The following SPX variants were observed in gnomAD, a reference collection of about 807,000 sequenced individuals.
SPX encodes spexin hormone.
In SPX, 22 loss-of-function variants were observed where a neutral mutation model predicts 19.2. That is an observed-to-expected ratio of 1.15 (90% CI 0.82 to 1.64). The LOEUF (loss-of-function observed/expected upper bound fraction) is 1.64, where lower values mean the gene tolerates loss of function less well. SPX is among the 40% of genes most tolerant of loss of function. SPX has a pLI of 0.00. For missense variants in SPX, 143 were observed against 137.7 expected, an observed-to-expected ratio of 1.04 and a Z score of -0.19; for synonymous variants, 50 against 53.3, an observed-to-expected ratio of 0.94 and a Z score of 0.27.
In SPX at chr12:21,526,344, T is replaced by G. The variant is rs1034296620; in HGVS notation, c.-129T>G. 7 of 751,456 alleles carry G rather than the reference T, an allele frequency of 9.3e-6. No individual in the cohort carries two copies. The highest frequency in any genetic ancestry group is 1.5e-5 in the Non-Finnish European group (7 of 468,542). The allele number at this position is 751,456 out of a possible 1,614,324, so 46.5% of individuals were successfully genotyped here. A position where few individuals can be genotyped will look rare whatever the true frequency, so the allele number is the denominator to read the frequency against. ...AGACTGACAAGATGTCCCTGTGGAC[T>G]CCCAAACTCTACTCCAGATGGGGAG... On this transcript the variant is annotated 5_prime_UTR_variant, in exon 1 of 6. Coordinates refer to ENST00000256969, the MANE Select transcript of SPX (RefSeq NM_030572.4).
At chr12:21,527,060 T>A in intron 2 of SPX, 75 bp from the exon 3 acceptor site, 3 of 1,584,056 alleles carry the variant, frequency 1.9e-6, no homozygotes. Context: ...TCTCTTCTTT[T>A]TCCTTTATTT....
rs1337851116 is a variant in SPX, at chr12:21,528,058, G to A, written c.208+269G>A. 7 of 466,756 alleles carry A rather than the reference G, an allele frequency of 1.5e-5. No homozygotes were observed. In the Admixed American group the frequency reaches 2.5e-4, roughly 17 times the overall value. The allele number at this position is 466,756 out of a possible 1,614,324, so 28.9% of individuals were successfully genotyped here. On this transcript the variant is annotated intron_variant, in intron 4 of 5. Coordinates refer to ENST00000256969, the MANE Select transcript of SPX (RefSeq NM_030572.4). ...CCAGGCTGGCGCTGCGGCTCCCCAA[G>A]CCTTATTGGCTTGCGGCTGTTCAGC...
chr12:21,528,034 C>G (rs7302146), intron 4 of SPX: 38,549 of 518,522 alleles, frequency 0.074, 2,238 homozygotes, highest in African/African-American at 0.22. Context: ...AAGGGCGGCC[C>G]AGGCTGGCGC....
At position 21,529,151 on chromosome 12, in the gene SPX, T is replaced by A. The variant is rs927512432; in HGVS notation, c.292+67T>A. 2.7e-6 allele frequency: 4 copies of A among 1,480,614 alleles called. No homozygotes were observed. In the African/African-American group the frequency reaches 5.6e-5, roughly 21 times the overall value. 91.7% of individuals were successfully genotyped at this position (1,480,614 alleles called of 1,614,324 possible). On this transcript the variant is annotated intron_variant, in intron 5 of 5. Coordinates refer to ENST00000256969, the MANE Select transcript of SPX (RefSeq NM_030572.4). ...CTTTGCTTACTTTCGGGATTCTGTGTTGAGTGCAACACCCCTCCCCCAGAA... is the reference window on the plus strand; with the variant it reads ...CTTTGCTTACTTTCGGGATTCTGTGATGAGTGCAACACCCCTCCCCCAGAA...
intron 5 of SPX, among the ~76,000 whole-genome samples, chr12:21,530,544 A>G (rs559598061): frequency 6.6e-6 from 1 of 152,206 alleles, no homozygotes; most frequent in Admixed American, 6.5e-5. Flanking sequence ...TAGTCATTCT[A>G]TCCTATTTTT....
Position 21,527,148 on chromosome 12 carries a change from G to A in SPX, c.101G>A (p.Arg34Lys), listed in dbSNP as rs758501085. The A allele has an allele frequency of 6.2e-7, 1 of 1,613,876 alleles. No individual in the cohort carries two copies. Among genetic ancestry groups the A allele is most frequent in the African/African-American group, 1.3e-5 (1 of 74,898 alleles). ...SSCAPQRLLE[R>K]RNWTPQAMLY... is the part of the protein sequence containing the mutation. ...CCCGGGCTATAGAGACTGTTGGAGA[G>A]AAGGAACTGGACTCCTCAAGCTATG... Residue 34 changes from arginine (R) to lysine (K), a missense_variant, in exon 3 of 6, where the codon AGA (arginine) becomes AAA (lysine). By Grantham distance (26) the Arg-to-Lys change is conservative. Coordinates refer to ENST00000256969, the MANE Select transcript of SPX (RefSeq NM_030572.4).
At position 21,529,026 on chromosome 12, in the gene SPX, A is replaced by G; in HGVS notation, c.234A>G (p.Leu78=). The G allele has an allele frequency of 6.2e-7, 1 of 1,614,162 alleles. No homozygotes were observed. The change falls in exon 5 of 6, where the codon CTA becomes CTG. Residue 78 remains leucine, a synonymous_variant. Coordinates refer to ENST00000256969, the MANE Select transcript of SPX (RefSeq NM_030572.4). ...AAAGACGAAGCCCAAATCCCCAACT[A>G]CTAACTATTCCGGAGGCAGCAACCA... is the stretch of plus-strand genomic sequence containing the variant. ...LPERRSPNPQ[L]LTIPEAATIL... is the part of the protein sequence containing the mutation.
intron 3 of SPX, 153 bp from the exon 4 acceptor site, chr12:21,527,574 C>T: frequency 1.3e-6 from 1 of 741,402 alleles, no homozygotes; most frequent in Non-Finnish European, 2.2e-6. Context: ...GCGCTGGGAG[C>T]GCTGGAAACT....
chr12:21,528,495 T>A (rs1237586007), intron 4 of SPX, among the ~76,000 whole-genome samples: 1 of 152,204 alleles, frequency 6.6e-6, no homozygotes, highest in African/African-American at 2.4e-5. Flanking sequence ...CCAAACACTG[T>A]TGAACACATA....
At chr12:21,528,971 G>A (rs372246806) in intron 4 of SPX, 30 bp from the exon 5 acceptor site, 2 of 1,566,366 alleles carry the variant, frequency 1.3e-6, no homozygotes, top group African/African-American at 2.7e-5. Context: ...TAAATGCTAA[G>A]AGAATCTGTA....
At chr12:21,527,597 G>A (rs922503326) in intron 3 of SPX, 130 bp from the exon 4 acceptor site, 8 of 889,696 alleles carry the variant, frequency 9.0e-6, no homozygotes, top group Admixed American at 2.5e-5. Context: ...GCAGCCCCGC[G>A]CGACCCTATC....
chr12:21,527,468 A>G (rs1349704661), intron 3 of SPX: 1 of 600,420 alleles, frequency 1.7e-6, no homozygotes, highest in Non-Finnish European at 2.9e-6. Flanking sequence ...GAAATATCTC[A>G]GTAACCCGAC....
Position 21,526,325 on chromosome 12 carries a change from A to C in SPX, c.-148A>C, listed in dbSNP as rs1943813754. The C allele has an allele frequency of 1.7e-6, 1 of 596,442 alleles. No individual in the cohort carries two copies. Among genetic ancestry groups the C allele is most frequent in the African/African-American group, 1.8e-5 (1 of 54,240 alleles). The allele number at this position is 596,442 out of a possible 1,614,324, so 36.9% of individuals were successfully genotyped here. A position where few individuals can be genotyped will look rare whatever the true frequency, so the allele number is the denominator to read the frequency against. Reference sequence around the variant, plus strand: ...GATTCTCAATCTTGCTTGAAGACTGACAAGATGTCCCTGTGGACTCCCAAA... The same window carrying C: ...GATTCTCAATCTTGCTTGAAGACTGCCAAGATGTCCCTGTGGACTCCCAAA... On this transcript the variant is annotated 5_prime_UTR_variant, in exon 1 of 6. Transcript: ENST00000256969.
In SPX at chr12:21,527,679, G is replaced by T. The variant is rs765516801; in HGVS notation, c.146-48G>T. 3.9e-6 allele frequency: 6 copies of T among 1,542,814 alleles called. No homozygotes were observed. In the South Asian group the frequency reaches 6.0e-5, roughly 15 times the overall value. ...GGGAGGAGCTGAGGTTTAAGCCCGG[G>T]TTGTCCCGGGCCAGGCTGTCGCTGA... On this transcript the variant is annotated intron_variant, in intron 3 of 5. Transcript: ENST00000256969.
chr12:21,531,057 T>G, intron 5 of SPX, 80 bp from the exon 6 acceptor site: 57 of 872,122 alleles, frequency 6.5e-5, no homozygotes, highest in Non-Finnish European at 8.6e-5. Context: ...GTTTATTTCC[T>G]GAGATTCTCT....
chr12:21,532,323 TTAG>T lies in SPX; in HGVS notation c.*1132_*1134del, dbSNP rs1943873467. The stretch of plus-strand genomic sequence containing the variant: ...ATTGTCATCAGTATTTAGCCATTAT[TTAG>T]TAGCTCAAGAATATCTTTATGTGAA... On this transcript the variant is annotated 3_prime_UTR_variant, in exon 6 of 6. Coordinates refer to ENST00000256969, the MANE Select transcript of SPX (RefSeq NM_030572.4). 6.6e-6 allele frequency: 1 copy of T among 152,254 alleles called. No individual in the cohort carries two copies. The highest frequency in any genetic ancestry group is 1.5e-5 in the Non-Finnish European group (1 of 68,048). The allele number at this position is 152,254 out of a possible 1,614,324, so 9.4% of individuals were successfully genotyped here.
In SPX at chr12:21,527,239, A is replaced by G. The variant is rs759192953; in HGVS notation, c.145+47A>G. 5 of 1,535,758 alleles carry G rather than the reference A, an allele frequency of 3.3e-6. No homozygotes were observed. In the African/African-American group the frequency reaches 4.1e-5, roughly 13 times the overall value. Reference sequence around the variant, plus strand: ...CTTCCTACAATAATGGAAGACCCCTAGGAGTCAGGAACAGATAGATGGAGA... The same window carrying G: ...CTTCCTACAATAATGGAAGACCCCTGGGAGTCAGGAACAGATAGATGGAGA... On this transcript the variant is annotated intron_variant, in intron 3 of 5. Coordinates refer to ENST00000256969, the MANE Select transcript of SPX (RefSeq NM_030572.4).
intron 5 of SPX, among the ~76,000 whole-genome samples, chr12:21,530,330 T>C (rs957876912): frequency 6.6e-6 from 1 of 152,204 alleles, no homozygotes; most frequent in Non-Finnish European, 1.5e-5. Context: ...TTTTGTTTTG[T>C]TTTCTTCCTT....
intron 3 of SPX, 28 bp from the exon 4 acceptor site, chr12:21,527,699 C>A: frequency 6.4e-7 from 1 of 1,554,988 alleles, no homozygotes; most frequent in Non-Finnish European, 8.7e-7. Flanking sequence ...GCCAGGCTGT[C>A]GCTGAGCCCC....
Sources: allele counts gnomAD v4.1 joint callset (sites outside exome capture counted in the v4.1 genomes callset), GRCh38; gene constraint gnomAD v4.1.1; transcripts MANE v1.5; gene names NCBI Gene and HGNC (gene_info 2026-07-23, HGNC 2026-07-21).